Variants in BCL2L13 observed in about 807,000 individuals in gnomAD.
The protein encoded by BCL2L13 is BCL2 like 13, also known as bcl-2-like protein 13.
A neutral mutation model predicts 25.8 loss-of-function variants in BCL2L13; 13 were observed. The observed-to-expected ratio is 0.50, with a 90% CI of 0.33 to 0.80. The LOEUF (loss-of-function observed/expected upper bound fraction) is 0.80, where lower values mean the gene tolerates loss of function less well. BCL2L13 is among the 30% of genes least tolerant of loss of function. The probability of loss-of-function intolerance (pLI) is 0.02; values close to 1 mark genes in which losing one functional copy is unlikely to be tolerated. For synonymous variants in BCL2L13, 244 were observed against 230.3 expected (o/e 1.06, Z -0.54); for missense variants, 504 against 574.9 (o/e 0.88, Z 1.26).
intron 1 of BCL2L13, among the ~76,000 whole-genome samples, chr22:17,641,796 G>GTGTTTTT (rs1278185698): frequency 7.5e-6 from 1 of 133,000 alleles, no homozygotes; most frequent in East Asian, 2.0e-4. Context: ...CACATAATAT[G>GTGTTTTT]TGTTTTTTTT....
chr22:17,709,748 C>T (rs1485358635), intron 6 of BCL2L13, among the ~76,000 whole-genome samples: 2 of 151,828 alleles, frequency 1.3e-5, no homozygotes, highest in Admixed American at 6.6e-5. Flanking sequence ...TGCTGCTGCA[C>T]TCCAGCCTAG....
chr22:17,664,195 G>A (rs575414131), intron 2 of BCL2L13, among the ~76,000 whole-genome samples: 7 of 151,814 alleles, frequency 4.6e-5, no homozygotes, highest in South Asian at 4.2e-4. Context: ...CATCTTGGCC[G>A]GCTGGTCTCG....
chr22:17,674,605 CAAA>C (rs71201865), intron 2 of BCL2L13, among the ~76,000 whole-genome samples: 5,867 of 125,182 alleles, frequency 0.047, 384 homozygotes, highest in African/African-American at 0.16. Flanking sequence ...GACTCTGTCT[CAAA>C]AAAAAAAAAA....
chr22:17,698,947 C>G (rs2060352000), intron 5 of BCL2L13, among the ~76,000 whole-genome samples: 1 of 152,122 alleles, frequency 6.6e-6, no homozygotes, highest in South Asian at 2.1e-4. Context: ...TTTTTCCTCT[C>G]TTTAATTCAG....
At chr22:17,673,431 G>A (rs1054023056) in intron 2 of BCL2L13, among the ~76,000 whole-genome samples, 8 of 147,208 alleles carry the variant, frequency 5.4e-5, no homozygotes, top group East Asian at 2.0e-4. Context: ...GCAGTGGTGC[G>A]ATCTCGGCTC....
chr22:17,637,215 T>G (rs1308967412), upstream of BCL2L13, among the ~76,000 whole-genome samples: 1 of 151,864 alleles, frequency 6.6e-6, no homozygotes, highest in Non-Finnish European at 1.5e-5. Context: ...AAGACCAGCC[T>G]AACCAACGTG....
intron 1 of BCL2L13, among the ~76,000 whole-genome samples, chr22:17,633,361 T>C (rs2058059571): frequency 6.6e-6 from 1 of 152,188 alleles, no homozygotes; most frequent in Non-Finnish European, 1.5e-5. Flanking sequence ...AGGGAAAAAG[T>C]TGTTATGAAT....
intron 2 of BCL2L13, 57 bp from the exon 3 acceptor site, chr22:17,683,157 A>G (rs888572962): frequency 2.1e-6 from 2 of 949,060 alleles, no homozygotes; most frequent in Admixed American, 2.4e-5. Context: ...AAGTGCTATT[A>G]TATTCTAATG....
intron 1 of BCL2L13, among the ~76,000 whole-genome samples, chr22:17,651,689 T>TTTA (rs1183622506): frequency 3.3e-5 from 5 of 149,416 alleles, no homozygotes; most frequent in Admixed American, 3.3e-4. Flanking sequence ...AGCCTAGACC[T>TTTA]TTCTTAAAGA....
In BCL2L13 at chr22:17,646,494, C is replaced by T. The variant is rs552419989; in HGVS notation, c.-51+7608C>T. On this transcript the variant is annotated intron_variant, in intron 1 of 6. Transcript: ENST00000317582. ...AAACTCCTGACCTCAGGTGATCCGC[C>T]CACCGCACCCTCCCAAAGTGCTGGG... 4.5e-3 allele frequency among the ~76,000 whole-genome samples: 687 copies of T among 150,990 alleles called. 40 individuals are homozygous for T. Among genetic ancestry groups the T allele is most frequent in the African/African-American group, 0.016 (635 of 40,496 alleles).
At chr22:17,638,754 C>T (rs2058156929), upstream of BCL2L13, 6 of 1,231,600 alleles carry the variant, frequency 4.9e-6, no homozygotes, top group South Asian at 8.2e-5. Flanking sequence ...CCGGGGTGAC[C>T]TCACCCTCCA....
chr22:17,647,855 G>A (rs73376763), intron 1 of BCL2L13, among the ~76,000 whole-genome samples: 7,967 of 152,192 alleles, frequency 0.052, 333 homozygotes, highest in African/African-American at 0.12. Context: ...CCCTCCGGGC[G>A]CAGTGGCTCA....
intron 1 of BCL2L13, among the ~76,000 whole-genome samples, chr22:17,629,443 A>T (rs561891862): frequency 6.6e-6 from 1 of 152,226 alleles, no homozygotes; most frequent in South Asian, 2.1e-4. Context: ...CTTTTCTGAG[A>T]TAGCCTATAT....
intron 4 of BCL2L13, among the ~76,000 whole-genome samples, chr22:17,691,623 G>A (rs1027487707): frequency 3.9e-5 from 6 of 152,102 alleles, no homozygotes; most frequent in African/African-American, 1.4e-4. Flanking sequence ...TCCAGCCTGG[G>A]TGACAGAGCA....
intron 1 of BCL2L13, among the ~76,000 whole-genome samples, chr22:17,654,087 A>G (rs1011502927): frequency 1.3e-5 from 2 of 152,096 alleles, no homozygotes; most frequent in African/African-American, 2.4e-5. Flanking sequence ...AAATTATCAG[A>G]AAACTTTATC....
chr22:17,663,821 G>A (rs2059150277), intron 2 of BCL2L13, among the ~76,000 whole-genome samples: 2 of 145,002 alleles, frequency 1.4e-5, no homozygotes, highest in Admixed American at 7.0e-5. Context: ...TGAGTAGCTG[G>A]GATTACAGAT....
chr22:17,649,873 T>TTC (rs777137677), intron 1 of BCL2L13, among the ~76,000 whole-genome samples: 4 of 11,092 alleles, frequency 3.6e-4, no homozygotes, highest in Admixed American at 1.2e-3. Flanking sequence ...TTTCTTTTCT[T>TTC]TTTTTTTTTT....
At chr22:17,669,815 ATGT>A (rs2059359809) in intron 2 of BCL2L13, among the ~76,000 whole-genome samples, 1 of 152,218 alleles carries the variant, frequency 6.6e-6, no homozygotes, top group Non-Finnish European at 1.5e-5. Context: ...CCCCCTCGCC[ATGT>A]AATACTCTGT....
In BCL2L13 at chr22:17,710,891, TA is replaced by T. The variant is rs955848658; in HGVS notation, c.600+8514del. ...GACTCCGTCTCAAAAAAAATAAAAATAAAAAAAAATAAATAAATAAATCTGA... is the reference window on the plus strand; with the variant it reads ...GACTCCGTCTCAAAAAAAATAAAAATAAAAAAAATAAATAAATAAATCTGA... On this transcript the variant is annotated intron_variant, in intron 6 of 6. Transcript: ENST00000317582. Among the ~76,000 whole-genome samples the T allele has an allele frequency of 5.1e-3, 766 of 149,302 alleles. 5 individuals carry two copies. The highest frequency in any genetic ancestry group is 0.017 in the African/African-American group (693 of 40,968).
Sources: gnomAD v4.1 joint callset for allele counts (sites outside exome capture counted in the v4.1 genomes callset) on GRCh38, gnomAD v4.1.1 for gene constraint, MANE v1.5 for transcripts, NCBI Gene and HGNC (gene_info 2026-07-23, HGNC 2026-07-21) for gene names.